Variants in DYRK1A observed in about 807,000 individuals in gnomAD.
DYRK1A encodes dual specificity tyrosine-phosphorylation-regulated kinase 1A.
A neutral mutation model predicts 79.7 loss-of-function variants in DYRK1A; 9 were observed. The observed-to-expected ratio is 0.11, with a 90% CI of 0.07 to 0.20. DYRK1A has a LOEUF of 0.20. Among genes scored for constraint, DYRK1A ranks in the 10% least tolerant of loss-of-function variants. DYRK1A has a pLI of 1.00. For missense variants in DYRK1A, 622 were observed against 956.0 expected (o/e 0.65, Z 4.61); for synonymous variants, 349 against 329.7 (o/e 1.06, Z -0.63).
At chr21:37,502,140 C>G (rs770007029) in intron 9 of DYRK1A, 1 of 152,174 alleles carries the variant, frequency 6.6e-6, no homozygotes, top group African/African-American at 2.4e-5. Context: ...CACACACACA[C>G]ACACTTTTAC....
intron 1 of DYRK1A, among the ~76,000 whole-genome samples, chr21:37,415,906 C>T (rs1238824628): frequency 1.3e-5 from 2 of 152,030 alleles, no homozygotes; most frequent in Non-Finnish European, 2.9e-5. Flanking sequence ...TGCTAATGAG[C>T]TCTTGTTTTT....
chr21:37,415,692 C>T (rs867035096), intron 1 of DYRK1A: 2 of 152,086 alleles, frequency 1.3e-5, no homozygotes, highest in African/African-American at 2.4e-5. Flanking sequence ...GTCTCCAACT[C>T]CTGGTCTCAA....
chr21:37,382,517 C>T (rs2049677871), intron 1 of DYRK1A, among the ~76,000 whole-genome samples: 1 of 152,102 alleles, frequency 6.6e-6, no homozygotes, highest in African/African-American at 2.4e-5. Context: ...CTACTTGTTG[C>T]TTTATTTCTG....
At position 37,513,791 on chromosome 21, in the gene DYRK1A, AATTT is replaced by A. The variant is rs2053827984; in HGVS notation, c.*1265_*1268del. On this transcript the variant is annotated 3_prime_UTR_variant, in exon 12 of 12. Coordinates refer to ENST00000647188, the MANE Select transcript of DYRK1A (RefSeq NM_001347721.2). ...ACAATTATGCTGTGAATTTTACAAA[AATTT>A]ATTTTCTTTTTTGATAATTTATTGT... The A allele has an allele frequency of 6.6e-6, 1 of 152,598 alleles. No homozygotes were observed. The highest frequency in any genetic ancestry group is 1.5e-5 in the Non-Finnish European group (1 of 68,042). 9.5% of individuals were successfully genotyped at this position (152,598 alleles called of 1,614,324 possible). A position where few individuals can be genotyped will look rare whatever the true frequency, so the allele number is the denominator to read the frequency against.
At chr21:37,509,408 A>G (rs761954831) in intron 11 of DYRK1A, among the ~76,000 whole-genome samples, 8 of 152,182 alleles carry the variant, frequency 5.3e-5, no homozygotes, top group Non-Finnish European at 1.2e-4. Flanking sequence ...TAGATATTCC[A>G]TAAGTCTTTT....
At chr21:37,427,504 A>G (rs557844994) in intron 2 of DYRK1A, among the ~76,000 whole-genome samples, 2 of 152,318 alleles carry the variant, frequency 1.3e-5, no homozygotes, top group Non-Finnish European at 2.9e-5. Flanking sequence ...TTAAATGACT[A>G]ATCAGTATTC....
Position 37,375,300 on chromosome 21 carries a change from A to T in DYRK1A, c.-77+7672A>T, listed in dbSNP as rs566057728. 5.9e-5 allele frequency among the ~76,000 whole-genome samples: 9 copies of T among 152,324 alleles called. No homozygotes were observed. In the East Asian group the frequency reaches 1.5e-3, roughly 26 times the overall value. Reference sequence around the variant, plus strand: ...GTAAGGTTTTGTTAGTATCAGCACTATTGTGGGCAATGTATATACAGCATT... The same window carrying T: ...GTAAGGTTTTGTTAGTATCAGCACTTTTGTGGGCAATGTATATACAGCATT... On this transcript the variant is annotated intron_variant, in intron 1 of 11. Transcript: ENST00000647188.
At chr21:37,444,299 A>C (rs1366998537) in intron 2 of DYRK1A, among the ~76,000 whole-genome samples, 1 of 152,252 alleles carries the variant, frequency 6.6e-6, no homozygotes, top group Non-Finnish European at 1.5e-5. Flanking sequence ...GAATACGTTA[A>C]TGAGTATGTC....
chr21:37,453,084 CTGGG>C (rs1194491551), intron 2 of DYRK1A, among the ~76,000 whole-genome samples: 9 of 152,116 alleles, frequency 5.9e-5, no homozygotes, highest in Non-Finnish European at 1.0e-4. Context: ...GCACTCCAGC[CTGGG>C]TGACGAGGGA....
chr21:37,402,393 T>C (rs2050069190), intron 1 of DYRK1A, among the ~76,000 whole-genome samples: 1 of 152,220 alleles, frequency 6.6e-6, no homozygotes, highest in Non-Finnish European at 1.5e-5. Context: ...GAATTCTAGA[T>C]TGATACTTTT....
chr21:37,435,465 G>C (rs2050897611), intron 2 of DYRK1A, among the ~76,000 whole-genome samples: 1 of 152,226 alleles, frequency 6.6e-6, no homozygotes, highest in Non-Finnish European at 1.5e-5. Context: ...TTTTAGAACA[G>C]AAGTGGAAAT....
At chr21:37,457,018 T>C (rs980736858) in intron 2 of DYRK1A, among the ~76,000 whole-genome samples, 1 of 79,798 alleles carries the variant, frequency 1.3e-5, no homozygotes, top group Non-Finnish European at 2.6e-5. Context: ...GAAAATTTAC[T>C]TACTTACTTA....
chr21:37,457,804 T>A (rs997725645), intron 2 of DYRK1A, among the ~76,000 whole-genome samples: 3 of 152,194 alleles, frequency 2.0e-5, no homozygotes, highest in Non-Finnish European at 4.4e-5. Context: ...TTCTCCCCTT[T>A]TCTCCCTGGG....
chr21:37,482,938 G>A (rs1183041662), intron 5 of DYRK1A, among the ~76,000 whole-genome samples: 1 of 152,126 alleles, frequency 6.6e-6, no homozygotes, highest in Non-Finnish European at 1.5e-5. Flanking sequence ...TATCTCTCTT[G>A]TTCCCTGAAC....
chr21:37,442,526 C>T (rs1039466864), intron 2 of DYRK1A, among the ~76,000 whole-genome samples: 1 of 151,862 alleles, frequency 6.6e-6, no homozygotes, highest in African/African-American at 2.4e-5. Context: ...TTAGTTTTAC[C>T]CTTTGTGTTT....
chr21:37,457,953 T>A (rs137978483), intron 2 of DYRK1A, among the ~76,000 whole-genome samples: 1 of 152,342 alleles, frequency 6.6e-6, no homozygotes, highest in East Asian at 1.9e-4. Context: ...TAGTAACACC[T>A]TCAGACACTT....
At chr21:37,484,374 GC>G (rs962569193) in intron 5 of DYRK1A, among the ~76,000 whole-genome samples, 21 of 150,300 alleles carry the variant, frequency 1.4e-4, no homozygotes, top group African/African-American at 4.2e-4. Context: ...TGTTGCCCAG[GC>G]TGGAGTGCAA....
intron 2 of DYRK1A, among the ~76,000 whole-genome samples, chr21:37,465,671 T>C (rs1012814777): frequency 6.6e-6 from 1 of 152,038 alleles, no homozygotes; most frequent in Non-Finnish European, 1.5e-5. Context: ...ACTCTGTCTC[T>C]ACTAAAAATA....
At chr21:37,405,160 T>C (rs1411103218) in intron 1 of DYRK1A, among the ~76,000 whole-genome samples, 1 of 152,128 alleles carries the variant, frequency 6.6e-6, no homozygotes, top group African/African-American at 2.4e-5. Flanking sequence ...TGGGTGAAGA[T>C]GAGGCCCACT....
Sources: allele counts gnomAD v4.1 joint callset (sites outside exome capture counted in the v4.1 genomes callset), GRCh38; gene constraint gnomAD v4.1.1; transcripts MANE v1.5; gene names NCBI Gene and HGNC (gene_info 2026-07-23, HGNC 2026-07-21).